ADAMTS7: variants seen among roughly 807,000 people sequenced by gnomAD.
ADAMTS7 encodes ADAM metallopeptidase with thrombospondin type 1 motif 7, also known as A disintegrin and metalloproteinase with thrombospondin motifs 7.
ADAMTS7 carries 89 observed loss-of-function variants against 172.6 expected under a neutral mutation model. The ratio of observed to expected loss-of-function variants is 0.52; its 90% CI spans 0.43 to 0.61. The LOEUF (loss-of-function observed/expected upper bound fraction) is 0.61, where lower values mean the gene tolerates loss of function less well. Among genes scored for constraint, ADAMTS7 ranks in the 20% least tolerant of loss-of-function variants. ADAMTS7 has a pLI of 0.00. For missense variants in ADAMTS7, 1,973 were observed against 2,355.6 expected (o/e 0.84, Z 3.36); for synonymous variants, 885 against 978.4 (o/e 0.90, Z 1.78).
At chr15:78,774,373 C>A in intron 12 of ADAMTS7, 73 bp from the exon 13 acceptor site, 1 of 1,477,828 alleles carries the variant, frequency 6.8e-7, no homozygotes. Flanking sequence ...AAGACCCCTC[C>A]GTGACACACA....
At chr15:78,770,900 C>A (rs2055236968) in intron 16 of ADAMTS7, 3 of 524,566 alleles carry the variant, frequency 5.7e-6, no homozygotes, top group East Asian at 3.1e-5. Context: ...GGAGCTGTGT[C>A]CCCTGGAGGG....
chr15:78,762,783 G>C (rs1276859683), intron 22 of ADAMTS7, among the ~76,000 whole-genome samples: 1 of 152,258 alleles, frequency 6.6e-6, no homozygotes, highest in East Asian at 1.9e-4. Flanking sequence ...CTCCTGCAGA[G>C]GGAAGGGGCG....
chr15:78,803,352 A>G (rs1371647916), intron 1 of ADAMTS7, among the ~76,000 whole-genome samples: 2 of 152,200 alleles, frequency 1.3e-5, no homozygotes, highest in African/African-American at 4.8e-5. Flanking sequence ...AGAGTGAGAC[A>G]TTATCTCAAA....
At position 78,771,560 on chromosome 15, in the gene ADAMTS7, C is replaced by G. The variant is rs3825808; in HGVS notation, c.2376+25G>C. On this transcript the variant is annotated intron_variant, in intron 15 of 23. Coordinates refer to ENST00000388820, the MANE Select transcript of ADAMTS7 (RefSeq NM_014272.5). The surrounding 1 kb of genome is among the most constrained non-coding windows in gnomAD (Gnocchi z 4.9). ...CTGGGGACTCCGCCTCTGCTCCCCC[C>G]GCCTGGGCCACGGGAGGCAGGCACC... 128 of 1,579,780 alleles carry G rather than the reference C, an allele frequency of 8.1e-5. No individual in the cohort carries two copies. Among genetic ancestry groups the G allele is most frequent in the Middle Eastern group, 2.2e-4 (1 of 4,524 alleles).
At chr15:78,788,597 C>G (rs1365574049) in intron 7 of ADAMTS7, among the ~76,000 whole-genome samples, 2 of 152,252 alleles carry the variant, frequency 1.3e-5, no homozygotes, top group African/African-American at 4.8e-5. Flanking sequence ...GGCTCCTGTT[C>G]CAGCCTGAAA....
intron 3 of ADAMTS7, 110 bp from the exon 4 acceptor site, chr15:78,796,896 G>T: frequency 2.9e-6 from 3 of 1,034,734 alleles, no homozygotes; most frequent in Middle Eastern, 3.2e-4. Context: ...ACCACACAGG[G>T]ATCAGAGGCC....
rs188808047 is a variant in ADAMTS7 at position 78,763,726 on chromosome 15, C to T, written c.4713G>A (p.Thr1571=). 9 of 1,566,438 alleles carry T rather than the reference C, an allele frequency of 5.7e-6. No homozygotes were observed. Among genetic ancestry groups the T allele is most frequent in the Middle Eastern group, 2.3e-4 (1 of 4,276 alleles). Residue 1571 remains threonine (T), a synonymous_variant, in exon 22 of 24, where the codon ACG becomes ACA. Coordinates refer to ENST00000388820, the MANE Select transcript of ADAMTS7 (RefSeq NM_014272.5). ...GGCCCCAGGGCCCCACCACCCACTG[C>T]GTGCAGGGGTGGGTGTTGCAGGGCC... The part of the protein sequence containing the change: ...TTRPCNTHPC[T]QWVVGPWGQC...
chr15:78,772,740 G>C (rs903774350), intron 14 of ADAMTS7, among the ~76,000 whole-genome samples: 2 of 152,270 alleles, frequency 1.3e-5, no homozygotes, highest in Non-Finnish European at 2.9e-5. Context: ...GTCAGTACTT[G>C]AGCAACGTGT....
chr15:78,781,468 C>T (rs1218042159), intron 8 of ADAMTS7, among the ~76,000 whole-genome samples: 1 of 152,166 alleles, frequency 6.6e-6, no homozygotes, highest in South Asian at 2.1e-4. Context: ...TGGGGAGGCA[C>T]GTATTGCTCT....
chr15:78,763,991 G>A lies in ADAMTS7; in HGVS notation c.4528C>T (p.Pro1510Ser), dbSNP rs773685492. 4 of 1,544,700 alleles carry A rather than the reference G, an allele frequency of 2.6e-6. No individual in the cohort carries two copies. Among genetic ancestry groups the A allele is most frequent in the Non-Finnish European group, 2.6e-6 (3 of 1,144,422 alleles). The change falls in exon 21 of 24, where the codon CCG (proline) becomes TCG (serine). Residue 1510 changes from proline (P) to serine (S), a missense_variant. Pro to Ser is a moderately conservative substitution (Grantham distance 74). This residue lies in a region of ADAMTS7 where 218 missense variants were observed against 216.9 expected (regional missense o/e 1.01). Coordinates refer to ENST00000388820, the MANE Select transcript of ADAMTS7 (RefSeq NM_014272.5). ...GCCCCGCAGGGCCGGTGCGCAGGCG[G>A]CTTGGCAGGCCCGGGCTGACAATGG... The part of the protein sequence containing the change: ...PFHCQPGPAK[P>S]PAHRPCGAQP...
Position 78,766,304 on chromosome 15 carries a change from G to C in ADAMTS7, c.3607C>G (p.Gln1203Glu). The change falls in exon 19 of 24, where the codon CAG (glutamine) becomes GAG (glutamate). Residue 1203 changes from glutamine (Q) to glutamate (E), a missense_variant. Coordinates refer to ENST00000388820, the MANE Select transcript of ADAMTS7 (RefSeq NM_014272.5). ...CGCCATGGAGGGGGCAGCTGGCTCT[G>C]GCTGTCCTTGCCAACTGGGAAATCA... ...QNDFPVGKDS[Q>E]SQLPPPWRDR... The C allele has an allele frequency of 1.9e-6, 3 of 1,611,428 alleles. No homozygotes were observed. The highest frequency in any genetic ancestry group is 2.5e-6 in the Non-Finnish European group (3 of 1,180,002).
chr15:78,792,985 T>C (rs953821675), intron 4 of ADAMTS7, among the ~76,000 whole-genome samples: 1 of 152,024 alleles, frequency 6.6e-6, no homozygotes, highest in Non-Finnish European at 1.5e-5. Flanking sequence ...TAGGTAGCAT[T>C]GGTAAAGAAA....
Position 78,767,538 on chromosome 15 carries a change from G to A in ADAMTS7, c.2700C>T (p.Leu900=), listed in dbSNP as rs1223907312. The A allele has an allele frequency of 1.3e-6, 2 of 1,584,658 alleles. No individual in the cohort carries two copies. The highest frequency in any genetic ancestry group is 2.7e-5 in the African/African-American group (2 of 74,434). The change falls in exon 18 of 24, where the codon CTC becomes CTT. Residue 900 remains leucine (L), a synonymous_variant. Transcript: ENST00000388820. ...GGATGCAGAGCACGGCCCGGCGGGA[G>A]AGGCCCCCAGGCCCGCAGGAGCTGG... The part of the protein sequence containing the change: ...LCSSSCGPGG[L]SRRAVLCIRS...
intron 3 of ADAMTS7, among the ~76,000 whole-genome samples, chr15:78,797,599 C>T (rs138591531): frequency 0.01 from 1,581 of 152,290 alleles, 10 homozygotes; most frequent in Non-Finnish European, 0.018. Flanking sequence ...GAGCTGGGCA[C>T]AGCTCACCCG....
intron 1 of ADAMTS7, among the ~76,000 whole-genome samples, chr15:78,810,303 TC>T (rs1433805253): frequency 2.0e-5 from 3 of 152,174 alleles, no homozygotes; most frequent in South Asian, 2.1e-4. Flanking sequence ...ATCCACCGGC[TC>T]CCCTGACTGG....
Position 78,759,358 on chromosome 15 carries a change from A to G in ADAMTS7, c.*63T>C. ...GCACCATTAGGGCGCAGGGGGCGGG[A>G]GCTCCGCCACAGCCCGTGGTGGGCA... On this transcript the variant is annotated 3_prime_UTR_variant, in exon 24 of 24. Coordinates refer to ENST00000388820, the MANE Select transcript of ADAMTS7 (RefSeq NM_014272.5). 6.7e-7 allele frequency: 1 copy of G among 1,488,102 alleles called. No homozygotes were observed. The allele number at this position is 1,488,102 out of a possible 1,614,324, so 92.2% of individuals were successfully genotyped here. A position where few individuals can be genotyped will look rare whatever the true frequency, so the allele number is the denominator to read the frequency against.
In ADAMTS7 at chr15:78,771,442, G is replaced by A. The variant is rs1213155720; in HGVS notation, c.2377-139C>T. On this transcript the variant is annotated intron_variant, in intron 15 of 23. Coordinates refer to ENST00000388820, the MANE Select transcript of ADAMTS7 (RefSeq NM_014272.5). The surrounding 1 kb of genome is among the most constrained non-coding windows in gnomAD (Gnocchi z 4.9). ...TAAAGATGGGGAAACTGAGGTAGAG[G>A]CCGCAGCAGGAGGGCCTGGCTCAGA... 1 of 1,536,120 alleles carries A rather than the reference G, an allele frequency of 6.5e-7. No homozygotes were observed. The highest frequency in any genetic ancestry group is 8.8e-7 in the Non-Finnish European group (1 of 1,138,342).
intron 1 of ADAMTS7, among the ~76,000 whole-genome samples, chr15:78,806,119 CACACACACAAAAAAAAAA>C (rs1284106151): frequency 3.2e-3 from 58 of 17,848 alleles, no homozygotes; most frequent in Non-Finnish European, 7.1e-3. Context: ...CACACACACA[CACACACACAAAAAAAAAA>C]AAAAAAAAAA....
rs970723668 is a variant in ADAMTS7 at position 78,789,742 on chromosome 15, G to A, written c.1125C>T (p.Asn375=). ...AGGCCAGCGGCAGGCCCGTGTCCTC[G>A]TTGATGCTGCAGCTGCGGTGCGGCT... is the stretch of plus-strand genomic sequence containing the variant. The part of the protein sequence containing the change: ...MCQPHRSCSI[N]EDTGLPLAFT... The change falls in exon 7 of 24, where the codon AAC becomes AAT. Residue 375 remains asparagine (N), a synonymous_variant. Coordinates refer to ENST00000388820, the MANE Select transcript of ADAMTS7 (RefSeq NM_014272.5). 10 of 1,612,696 alleles carry A rather than the reference G, an allele frequency of 6.2e-6. No homozygotes were observed. The highest frequency in any genetic ancestry group is 1.7e-5 in the Admixed American group (1 of 59,914).
Sources: allele counts gnomAD v4.1 joint callset (sites outside exome capture counted in the v4.1 genomes callset), GRCh38; gene constraint gnomAD v4.1.1; regional missense constraint gnomAD v4.1.1; non-coding constraint Gnocchi (gnomAD v3.1); transcripts MANE v1.5; gene names NCBI Gene and HGNC (gene_info 2026-07-23, HGNC 2026-07-21).